CACNA1H: variants seen among roughly 807,000 people sequenced by gnomAD.
The protein encoded by CACNA1H is voltage-dependent T-type calcium channel subunit alpha-1H.
CACNA1H carries 149 observed loss-of-function variants against 192.5 expected under a neutral mutation model. That is an observed-to-expected ratio of 0.77 (90% CI 0.68 to 0.89). The LOEUF is 0.89. CACNA1H is among the 40% of genes least tolerant of loss of function. CACNA1H has a pLI of 0.00. For missense variants in CACNA1H, 4,257 were observed against 3,423.5 expected, an observed-to-expected ratio of 1.24 and a Z score of -6.08; for synonymous variants, 2,202 against 1,475.2, an observed-to-expected ratio of 1.49 and a Z score of -11.29.
At chr16:1,162,917 C>G (rs1371956568) in intron 2 of CACNA1H, among the ~76,000 whole-genome samples, 1 of 152,214 alleles carries the variant, frequency 6.6e-6, no homozygotes, top group Non-Finnish European at 1.5e-5. Flanking sequence ...CCCTGGAACG[C>G]CTCTTCTCAC....
Position 1,217,965 on chromosome 16 carries a change from C to T in CACNA1H, c.5370C>T (p.Thr1790=), listed in dbSNP as rs899583743. ...GCGAGGGCCTGAGCAGGCACGCCAC[C>T]TTCAGCAACTTCGGCATGGCCTTCC... The part of the protein sequence containing the change: ...NPCEGLSRHA[T]FSNFGMAFLT... The change falls in exon 32 of 35, where the codon ACC becomes ACT. Residue 1790 remains threonine, a synonymous_variant. Coordinates refer to ENST00000348261, the MANE Select transcript of CACNA1H (RefSeq NM_021098.3). 1.2e-5 allele frequency: 20 copies of T among 1,605,070 alleles called. No individual in the cohort carries two copies. The highest frequency in any genetic ancestry group is 1.7e-5 in the Admixed American group (1 of 59,226).
intron 2 of CACNA1H, among the ~76,000 whole-genome samples, chr16:1,154,791 G>C (rs1183111486): frequency 2.0e-5 from 3 of 152,216 alleles, no homozygotes; most frequent in Non-Finnish European, 4.4e-5. Flanking sequence ...TTCCAGAACA[G>C]AGTTGGGTCA....
At chr16:1,217,364 G>A (rs1415077851) in intron 31 of CACNA1H, among the ~76,000 whole-genome samples, 1 of 152,236 alleles carries the variant, frequency 6.6e-6, no homozygotes, top group African/African-American at 2.4e-5. Context: ...GGTCCCAGGA[G>A]ACAAATGTTG....
chr16:1,220,470 G>C lies in CACNA1H; in HGVS notation c.6538G>C (p.Gly2180Arg), dbSNP rs577389198. 1 of 1,547,048 alleles carries C rather than the reference G, an allele frequency of 6.5e-7. No individual in the cohort carries two copies. Among genetic ancestry groups the C allele is most frequent in the African/African-American group, 1.4e-5 (1 of 72,022 alleles). ...GGGCCCTGAGGCCGAGCCCGCTCTGGGTGCGCGCAGAAAGAAGAAGATGAG... is the reference window on the plus strand; with the variant it reads ...GGGCCCTGAGGCCGAGCCCGCTCTGCGTGCGCGCAGAAAGAAGAAGATGAG... ...AWGPEAEPAL[G>R]ARRKKKMSPP... The change falls in exon 35 of 35, where the codon GGT becomes CGT. Residue 2180 changes from glycine to arginine, a missense_variant. Transcript: ENST00000348261.
rs199642190 is a variant in CACNA1H, at chr16:1,208,986, T to G, written c.3364-46T>G. The G allele has an allele frequency of 1.8e-3, 2,690 of 1,455,276 alleles. 8 individuals carry two copies. The highest frequency in any genetic ancestry group is 4.6e-3 in the Middle Eastern group (18 of 3,910). The allele number at this position is 1,455,276 out of a possible 1,614,324, so 90.1% of individuals were successfully genotyped here. ...GGTGCTCCGTAATGACAGCGGTCGG[T>G]GCTAATAGTGATGCCACCAGGTCAC... is the stretch of plus-strand genomic sequence containing the variant. On this transcript the variant is annotated intron_variant, in intron 16 of 34. Coordinates refer to ENST00000348261, the MANE Select transcript of CACNA1H (RefSeq NM_021098.3).
At chr16:1,163,166 G>A (rs756144252) in intron 2 of CACNA1H, among the ~76,000 whole-genome samples, 2 of 152,240 alleles carry the variant, frequency 1.3e-5, no homozygotes, top group African/African-American at 2.4e-5. Flanking sequence ...TCCTGGGTCC[G>A]GAGAGGCGAC....
rs1233678307 is a variant in CACNA1H at position 1,158,499 on chromosome 16, A to G, written c.299+4463A>G. 2.6e-5 allele frequency among the ~76,000 whole-genome samples: 4 copies of G among 152,140 alleles called. No homozygotes were observed. In the South Asian group the frequency reaches 6.2e-4, roughly 24 times the overall value. ...CTGTCGTAGTCATTCCCTCCCCTTC[A>G]TGGAAGCATCAGGGCCGCACGCCCC... On this transcript the variant is annotated intron_variant, in intron 2 of 34. Coordinates refer to ENST00000348261, the MANE Select transcript of CACNA1H (RefSeq NM_021098.3).
In CACNA1H at chr16:1,212,613, C is replaced by T. The variant is rs1969591986; in HGVS notation, c.4777+85C>T. Reference sequence around the variant, plus strand: ...GCGGGCATCCCAGGCCTGCTGGGGTCCTCCGCAGGGTGGGCACAGGCAGCC... The same window carrying T: ...GCGGGCATCCCAGGCCTGCTGGGGTTCTCCGCAGGGTGGGCACAGGCAGCC... On this transcript the variant is annotated intron_variant, in intron 26 of 34. Transcript: ENST00000348261. 7 of 1,509,610 alleles carry T rather than the reference C, an allele frequency of 4.6e-6. No homozygotes were observed. The South Asian group carries it at 8.4e-5, about 18-fold the overall frequency. The allele number at this position is 1,509,610 out of a possible 1,614,324, so 93.5% of individuals were successfully genotyped here.
chr16:1,190,446 C>A (rs1019695532), intron 2 of CACNA1H, among the ~76,000 whole-genome samples: 1 of 152,232 alleles, frequency 6.6e-6, no homozygotes, highest in Non-Finnish European at 1.5e-5. Flanking sequence ...CAGAGCTGCC[C>A]GAGCCCCTGC....
chr16:1,198,494 C>A, intron 5 of CACNA1H, 121 bp from the exon 6 acceptor site: 1 of 1,038,080 alleles, frequency 9.6e-7, no homozygotes, highest in Non-Finnish European at 1.5e-6. Context: ...AGTCAGTGTG[C>A]AGTGGGCGTG....
intron 26 of CACNA1H, among the ~76,000 whole-genome samples, chr16:1,212,898 G>C (rs1157855812): frequency 6.6e-6 from 1 of 152,250 alleles, no homozygotes; most frequent in Non-Finnish European, 1.5e-5. Context: ...GTGACTGCAT[G>C]CCGGCCGCAG....
intron 2 of CACNA1H, among the ~76,000 whole-genome samples, chr16:1,159,274 G>C (rs535636553): frequency 2.0e-5 from 3 of 152,210 alleles, no homozygotes; most frequent in Non-Finnish European, 4.4e-5. Flanking sequence ...GGGTGGGCCC[G>C]ACAGGGGCAG....
chr16:1,197,426 C>T (rs1205595169), intron 5 of CACNA1H, among the ~76,000 whole-genome samples: 1 of 152,206 alleles, frequency 6.6e-6, no homozygotes, highest in African/African-American at 2.4e-5. Context: ...GTTTACTTTT[C>T]AGGTTAAATT....
At position 1,194,322 on chromosome 16, in the gene CACNA1H, G is replaced by A. The variant is rs915249085; in HGVS notation, c.300-650G>A. On this transcript the variant is annotated intron_variant, in intron 2 of 34. Transcript: ENST00000348261. ...GACAAGTTGGTGCTTTCCAAATGCC[G>A]GCTTCTACCTTAAGGAAGGTCCCTC... 3.3e-5 allele frequency among the ~76,000 whole-genome samples: 5 copies of A among 152,302 alleles called. No homozygotes were observed. The East Asian group carries it at 5.8e-4, about 18-fold the overall frequency.
At chr16:1,173,824 A>G (rs1250749218) in intron 2 of CACNA1H, among the ~76,000 whole-genome samples, 7 of 152,114 alleles carry the variant, frequency 4.6e-5, no homozygotes, top group Non-Finnish European at 8.8e-5. Flanking sequence ...GGGGCCTCAC[A>G]CCACATGGGA....
intron 2 of CACNA1H, among the ~76,000 whole-genome samples, chr16:1,175,507 C>T (rs967104983): frequency 6.6e-6 from 1 of 152,106 alleles, no homozygotes; most frequent in African/African-American, 2.4e-5. Flanking sequence ...CCCCTCCACC[C>T]TGTAGCCTCC....
intron 2 of CACNA1H, among the ~76,000 whole-genome samples, chr16:1,184,362 G>T (rs947902983): frequency 6.6e-6 from 1 of 152,266 alleles, no homozygotes; most frequent in Non-Finnish European, 1.5e-5. Flanking sequence ...GAGGCTCAGG[G>T]GTGAATGGGG....
intron 2 of CACNA1H, among the ~76,000 whole-genome samples, chr16:1,173,668 C>A (rs1216395618): frequency 6.6e-6 from 1 of 152,218 alleles, no homozygotes; most frequent in South Asian, 2.1e-4. Context: ...GTGGAAGCAT[C>A]CGGGAACGCC....
At chr16:1,203,978 G>C (rs1447015616) in intron 9 of CACNA1H, 32 bp from the exon 10 acceptor site, 1 of 1,477,572 alleles carries the variant, frequency 6.8e-7, no homozygotes. Flanking sequence ...ACCACTGAGT[G>C]GGCCTGCCCC....
Sources: allele counts gnomAD v4.1 joint callset (sites outside exome capture counted in the v4.1 genomes callset), GRCh38; gene constraint gnomAD v4.1.1; transcripts MANE v1.5; gene names NCBI Gene and HGNC (gene_info 2026-07-23, HGNC 2026-07-21).